STARD9: variants seen among roughly 807,000 people sequenced by gnomAD.
The protein encoded by STARD9 is stAR-related lipid transfer protein 9.
In STARD9, 346 loss-of-function variants were observed where a neutral mutation model predicts 399.8. That is an observed-to-expected ratio of 0.87 (90% confidence interval 0.79 to 0.95). STARD9 has a LOEUF of 0.95. Ranked by LOEUF, STARD9 falls within the 40% of genes least tolerant of loss-of-function variation. STARD9 has a pLI of 0.00. For synonymous variants in STARD9, 2,203 were observed against 2,143.5 expected (o/e 1.03, Z -0.77); for missense variants, 5,832 against 5,667.5 (o/e 1.03, Z -0.93).
chr15:42,622,180 C>T (rs370616076), intron 3 of STARD9, among the ~76,000 whole-genome samples: 114 of 152,166 alleles, frequency 7.5e-4, no homozygotes, highest in African/African-American at 2.7e-3. Context: ...TTGGAGGCCA[C>T]GGCAACTCCT....
At position 42,684,385 on chromosome 15, in the gene STARD9, T is replaced by C; in HGVS notation, c.2807T>C (p.Met936Thr). ...PNSVGIQEMEMGVKQPHQMVS... is the reference protein window; with the variant it reads ...PNSVGIQEMETGVKQPHQMVS... ...TCTGTTGGCATCCAGGAAATGGAGA[T>C]GGGGGTTAAGCAGCCCCATCAGATG... The change falls in exon 23 of 33, where the codon ATG (methionine) becomes ACG (threonine). Residue 936 changes from methionine (M) to threonine (T), a missense_variant. Met to Thr is a moderately conservative substitution (Grantham distance 81). Around this residue, in one of 2 missense-constraint regions of STARD9, gnomAD observed 5,828 missense variants for 5,651.1 expected, o/e 1.03. Transcript: ENST00000290607. 2 of 1,537,004 alleles carry C rather than the reference T, an allele frequency of 1.3e-6. No homozygotes were observed. Among genetic ancestry groups the C allele is most frequent in the South Asian group, 1.2e-5 (1 of 84,050 alleles).
At chr15:42,620,664 T>C (rs930509950) in intron 3 of STARD9, among the ~76,000 whole-genome samples, 4 of 152,164 alleles carry the variant, frequency 2.6e-5, no homozygotes, top group African/African-American at 9.7e-5. Context: ...CCTCAGTTTT[T>C]CCCTGATGTT....
intron 7 of STARD9, among the ~76,000 whole-genome samples, chr15:42,649,492 T>C (rs2059714529): frequency 6.6e-6 from 1 of 152,252 alleles, no homozygotes; most frequent in African/African-American, 2.4e-5. Context: ...ATATCCATTT[T>C]ATTATTTCAT....
In STARD9 at chr15:42,693,909, CAACCTG is replaced by C; in HGVS notation, c.12333_12338del (p.Pro4112_Glu4113del). The C allele has an allele frequency of 6.6e-7, 1 of 1,519,886 alleles. No homozygotes were observed. Among genetic ancestry groups the C allele is most frequent in the Non-Finnish European group, 8.8e-7 (1 of 1,137,252 alleles). 94.1% of individuals were successfully genotyped at this position (1,519,886 alleles called of 1,614,324 possible). On this transcript the variant is annotated inframe_deletion, in exon 23 of 33. Coordinates refer to ENST00000290607, the MANE Select transcript of STARD9 (RefSeq NM_020759.3). ...TGCCTTGGGCCTCCCTCAGGCCTGC[CAACCTG>C]AGGAGTTACTGTGCTTCAGTTGCCA...
chr15:42,718,661 G>C (rs1273889989), intron 31 of STARD9, 91 bp from the exon 32 acceptor site: 1 of 1,470,752 alleles, frequency 6.8e-7, no homozygotes, highest in Non-Finnish European at 9.2e-7. Context: ...GGCTGGCCCA[G>C]TGTTGCCTTT....
At chr15:42,605,324 C>A (rs1280086713) in intron 3 of STARD9, among the ~76,000 whole-genome samples, 1 of 152,112 alleles carries the variant, frequency 6.6e-6, no homozygotes, top group Admixed American at 6.6e-5. Context: ...AAGTATGAGG[C>A]AAAGGAACAT....
chr15:42,674,588 A>C, intron 17 of STARD9, 97 bp downstream of exon 17: 2 of 1,293,922 alleles, frequency 1.5e-6, no homozygotes, highest in Non-Finnish European at 2.2e-6. Context: ...GAAGAAGGGA[A>C]TCATTGGCGT....
At position 42,693,004 on chromosome 15, in the gene STARD9, C is replaced by T. The variant is rs923091662; in HGVS notation, c.11426C>T (p.Pro3809Leu). The T allele has an allele frequency of 5.9e-6, 9 of 1,537,070 alleles. No homozygotes were observed. Among genetic ancestry groups the T allele is most frequent in the Non-Finnish European group, 7.8e-6 (9 of 1,146,908 alleles). Residue 3809 changes from proline to leucine, a missense_variant, in exon 23 of 33, where the codon CCC becomes CTC. Pro to Leu is a moderately conservative substitution (Grantham distance 98). Around this residue, in one of 2 missense-constraint regions of STARD9, gnomAD observed 5,828 missense variants for 5,651.1 expected, o/e 1.03. Coordinates refer to ENST00000290607, the MANE Select transcript of STARD9 (RefSeq NM_020759.3). The part of the protein sequence containing the change: ...YLQEESTPYK[P>L]QSPSIPSSHL... Reference sequence around the variant, plus strand: ...CAGGAAGAAAGCACTCCCTACAAGCCCCAGAGCCCTTCAATACCCTCATCC... The same window carrying T: ...CAGGAAGAAAGCACTCCCTACAAGCTCCAGAGCCCTTCAATACCCTCATCC...
Position 42,638,067 on chromosome 15 carries a change from C to A in STARD9, c.426C>A (p.Ser142=). Residue 142 remains serine (S), a synonymous_variant, in exon 6 of 33, where the codon TCC becomes TCA. Coordinates refer to ENST00000290607, the MANE Select transcript of STARD9 (RefSeq NM_020759.3). ...AGAAAGACTGTGCCTCACTGCCTTC[C>A]TCCTGTAGGATAAAAGTAAGGTAAG... The part of the protein sequence containing the change: ...VREKDCASLP[S]SCRIKVSFLE... 2 of 1,537,254 alleles carry A rather than the reference C, an allele frequency of 1.3e-6. No homozygotes were observed. Among genetic ancestry groups the A allele is most frequent in the South Asian group, 2.4e-5 (2 of 84,052 alleles).
Position 42,685,530 on chromosome 15 carries a change from G to A in STARD9, c.3952G>A (p.Ala1318Thr), listed in dbSNP as rs2060532438. The A allele has an allele frequency of 6.5e-7, 1 of 1,537,562 alleles. No homozygotes were observed. The highest frequency in any genetic ancestry group is 8.7e-7 in the Non-Finnish European group (1 of 1,146,984). Residue 1318 changes from alanine to threonine, a missense_variant, in exon 23 of 33, where the codon GCC (alanine) becomes ACC (threonine). Around this residue, in one of 2 missense-constraint regions of STARD9, gnomAD observed 5,828 missense variants for 5,651.1 expected, o/e 1.03. Transcript: ENST00000290607. ...GGTAGAGCCAAGCTACTCTGAACAA[G>A]CCGACTCTCTCCAAGGCATGCAGCT... Reference protein sequence around the residue: ...SQVEPSYSEQADSLQGMQLSR... With the variant: ...SQVEPSYSEQTDSLQGMQLSR...
intron 4 of STARD9, among the ~76,000 whole-genome samples, chr15:42,637,077 A>AT (rs2059433614): frequency 1.9e-4 from 3 of 15,586 alleles, no homozygotes; most frequent in East Asian, 3.5e-3. Context: ...AAAAATAATA[A>AT]TTAAAAAAAA....
rs529371804 is a variant in STARD9 at position 42,685,124 on chromosome 15, T to C, written c.3546T>C (p.Ser1182=). 13 of 1,537,246 alleles carry C rather than the reference T, an allele frequency of 8.5e-6. No homozygotes were observed. In the South Asian group the frequency reaches 1.5e-4, roughly 18 times the overall value. ...RGQPRTRTRA[S]VRGFTAASDS... ...AACCCAGGACCAGAACTAGAGCTTC[T>C]GTGAGGGGCTTCACTGCAGCCTCAG... Residue 1182 remains serine (S), a synonymous_variant, in exon 23 of 33, where the codon TCT becomes TCC. Transcript: ENST00000290607.
intron 26 of STARD9, among the ~76,000 whole-genome samples, chr15:42,698,714 C>T (rs955360722): frequency 2.0e-5 from 3 of 152,172 alleles, no homozygotes; most frequent in Admixed American, 6.5e-5. Flanking sequence ...CTTCAATCCA[C>T]AATTATAAAG....
rs750977187 is a variant in STARD9, at chr15:42,693,986, C to T, written c.12408C>T (p.Leu4136=). Residue 4136 remains leucine, a synonymous_variant, in exon 23 of 33, where the codon CTC becomes CTT. Transcript: ENST00000290607. The stretch of plus-strand genomic sequence containing the variant: ...ACCAGCACCACAGTCTGAGGGACCT[C>T]CCGGTGCATAACAAATTTAGTAACT... ...PEHQHHSLRD[L]PVHNKFSNWC... is the part of the protein sequence containing the mutation. 8.6e-6 allele frequency: 13 copies of T among 1,512,056 alleles called. No homozygotes were observed. The highest frequency in any genetic ancestry group is 8.2e-5 in the Admixed American group (4 of 48,854). The allele number at this position is 1,512,056 out of a possible 1,614,324, so 93.7% of individuals were successfully genotyped here. A position where few individuals can be genotyped will look rare whatever the true frequency, so the allele number is the denominator to read the frequency against.
At chr15:42,605,626 T>G (rs1274780807) in intron 3 of STARD9, among the ~76,000 whole-genome samples, 2 of 152,202 alleles carry the variant, frequency 1.3e-5, no homozygotes, top group African/African-American at 4.8e-5. Context: ...GATAATCCCT[T>G]TGTCAATAAC....
intron 20 of STARD9, among the ~76,000 whole-genome samples, chr15:42,676,253 C>T (rs62019358): frequency 2.6e-5 from 4 of 152,130 alleles, no homozygotes; most frequent in Admixed American, 6.5e-5. Flanking sequence ...GTTCCTGTGG[C>T]CACTTTTCTC....
intron 4 of STARD9, among the ~76,000 whole-genome samples, chr15:42,636,804 AC>A (rs2059426337): frequency 6.6e-6 from 1 of 151,868 alleles, no homozygotes; most frequent in African/African-American, 2.4e-5. Flanking sequence ...GTTGGCTCAC[AC>A]CTATAATCCC....
At chr15:42,667,847 TGTTATTA>T (rs748651098) in intron 15 of STARD9, among the ~76,000 whole-genome samples, 6 of 152,242 alleles carry the variant, frequency 3.9e-5, no homozygotes, top group Non-Finnish European at 7.3e-5. Flanking sequence ...CATCCTTATA[TGTTATTA>T]AAGTATCCTG....
rs773859635 is a variant in STARD9 at position 42,684,654 on chromosome 15, A to G, written c.3076A>G (p.Lys1026Glu). ...GACTGCTGGGCACGGAAAGGCAGTC[A>G]AGACTTTTTGGACAGAATACAAACC... ...RQTAGHGKAVKTFWTEYKPPS... is the reference protein window; with the variant it reads ...RQTAGHGKAVETFWTEYKPPS... Residue 1026 changes from lysine to glutamate, a missense_variant, in exon 23 of 33, where the codon AAG (lysine) becomes GAG (glutamate). Transcript: ENST00000290607. 1 of 1,537,218 alleles carries G rather than the reference A, an allele frequency of 6.5e-7. No individual in the cohort carries two copies. Among genetic ancestry groups the G allele is most frequent in the South Asian group, 1.2e-5 (1 of 84,068 alleles).
Sources: gnomAD v4.1 joint callset for allele counts (sites outside exome capture counted in the v4.1 genomes callset) on GRCh38, gnomAD v4.1.1 for gene constraint, gnomAD v4.1.1 regional missense constraint, MANE v1.5 for transcripts, NCBI Gene and HGNC (gene_info 2026-07-23, HGNC 2026-07-21) for gene names.